Variants in NWD2 observed in about 807,000 individuals in gnomAD.
NWD2 encodes the protein NACHT and WD repeat domain-containing protein 2.
In NWD2, 37 loss-of-function variants were observed where a neutral mutation model predicts 132.7. That is an observed-to-expected ratio of 0.28 (90% confidence interval 0.21 to 0.37). The LOEUF (loss-of-function observed/expected upper bound fraction) is 0.37. Among genes scored for constraint, NWD2 ranks in the 10% least tolerant of loss-of-function variants. The probability of loss-of-function intolerance (pLI) is 1.00; values close to 1 mark genes in which losing one functional copy is unlikely to be tolerated. For synonymous variants in NWD2, 705 were observed against 803.0 expected, an observed-to-expected ratio of 0.88 and a Z score of 2.06; for missense variants, 1,592 against 2,122.4, an observed-to-expected ratio of 0.75 and a Z score of 4.91.
intron 3 of NWD2, among the ~76,000 whole-genome samples, chr4:37,358,579 G>C (rs1382912584): frequency 2.0e-5 from 3 of 152,082 alleles, no homozygotes; most frequent in Admixed American, 6.5e-5. Flanking sequence ...CCTGGGTTCT[G>C]ACCTGATATT....
At chr4:37,346,660 A>G (rs1179315942) in intron 2 of NWD2, among the ~76,000 whole-genome samples, 2 of 152,132 alleles carry the variant, frequency 1.3e-5, no homozygotes, top group Admixed American at 6.6e-5. Flanking sequence ...AATGTCTTTC[A>G]TTTATTTATA....
intron 1 of NWD2, among the ~76,000 whole-genome samples, chr4:37,310,280 AT>A (rs2109280428): frequency 6.6e-6 from 1 of 152,360 alleles, no homozygotes; most frequent in Non-Finnish European, 1.5e-5. Flanking sequence ...TATGCAACAC[AT>A]TTAAAAAGAT....
At chr4:37,386,206 G>A (rs1720561934) in intron 3 of NWD2, among the ~76,000 whole-genome samples, 1 of 152,042 alleles carries the variant, frequency 6.6e-6, no homozygotes, top group Non-Finnish European at 1.5e-5. Flanking sequence ...GCTAAACTCT[G>A]CTAATGTTGT....
At chr4:37,394,993 A>G (rs1413791455) in intron 3 of NWD2, among the ~76,000 whole-genome samples, 1 of 142,140 alleles carries the variant, frequency 7.0e-6, no homozygotes, top group Non-Finnish European at 1.5e-5. Flanking sequence ...TTTTTTTTCT[A>G]GTAGAGATGG....
chr4:37,390,389 G>T, intron 3 of NWD2, among the ~76,000 whole-genome samples: 1 of 148,590 alleles, frequency 6.7e-6, no homozygotes, highest in South Asian at 2.2e-4. Flanking sequence ...ATTCACGTGT[G>T]TGCTTGGGCA....
rs1717190624 is a variant in NWD2, at chr4:37,244,762, A to T, written c.-306A>T. ...CGGCGCAAACGGGCGCTGCGCGCGT[A>T]GCCGCCGCCACGCTGACCTCCCGCT... is the stretch of plus-strand genomic sequence containing the variant. On this transcript the variant is annotated 5_prime_UTR_variant, in exon 1 of 7. Transcript: ENST00000309447. The surrounding 1 kb of genome is among the most constrained non-coding windows in gnomAD (Gnocchi z 5.5). 1 of 297,344 alleles carries T rather than the reference A, an allele frequency of 3.4e-6. No individual in the cohort carries two copies. The highest frequency in any genetic ancestry group is 2.2e-5 in the African/African-American group (1 of 45,440). 18.4% of individuals were successfully genotyped at this position (297,344 alleles called of 1,614,324 possible). A position where few individuals can be genotyped will look rare whatever the true frequency, so the allele number is the denominator to read the frequency against.
rs1436174508 is a variant in NWD2 at position 37,427,891 on chromosome 4, G to A, written c.358-2681G>A. 2.6e-5 allele frequency among the ~76,000 whole-genome samples: 4 copies of A among 152,160 alleles called. No homozygotes were observed. The East Asian group carries it at 5.8e-4, about 22-fold the overall frequency. ...AAGGAATATAGCTGAATTGAGTATTGCTCACAAAACTGGTACCTTCCCAAA... is the reference window on the plus strand; with the variant it reads ...AAGGAATATAGCTGAATTGAGTATTACTCACAAAACTGGTACCTTCCCAAA... On this transcript the variant is annotated intron_variant, in intron 3 of 6. Coordinates refer to ENST00000309447, the MANE Select transcript of NWD2 (RefSeq NM_001144990.2).
At chr4:37,305,449 T>G (rs1263306712) in intron 1 of NWD2, among the ~76,000 whole-genome samples, 1 of 152,226 alleles carries the variant, frequency 6.6e-6, no homozygotes, top group Non-Finnish European at 1.5e-5. Flanking sequence ...TTTTCCAAAC[T>G]TTTATTCTCT....
At chr4:37,310,858 C>T (rs1388560486) in intron 1 of NWD2, among the ~76,000 whole-genome samples, 1 of 144,128 alleles carries the variant, frequency 6.9e-6, no homozygotes, top group Admixed American at 7.3e-5. Context: ...TGTTCAATTC[C>T]CACCTATGAG....
chr4:37,286,424 C>T (rs776669563), intron 1 of NWD2, among the ~76,000 whole-genome samples: 13 of 152,196 alleles, frequency 8.5e-5, no homozygotes, highest in Non-Finnish European at 1.8e-4. Flanking sequence ...GAACAGGACC[C>T]TTGGAACCCT....
At chr4:37,315,885 A>G (rs529345755) in intron 1 of NWD2, among the ~76,000 whole-genome samples, 82 of 152,172 alleles carry the variant, frequency 5.4e-4, no homozygotes, top group Non-Finnish European at 8.5e-4. Flanking sequence ...TTCTTAATTT[A>G]TCACACTTTA....
At chr4:37,287,895 G>A (rs888727720) in intron 1 of NWD2, among the ~76,000 whole-genome samples, 1 of 152,180 alleles carries the variant, frequency 6.6e-6, no homozygotes, top group African/African-American at 2.4e-5. Flanking sequence ...CAATAGCAAA[G>A]TCATGGAACC....
chr4:37,250,199 C>T (rs1478316876), intron 1 of NWD2, among the ~76,000 whole-genome samples: 2 of 151,252 alleles, frequency 1.3e-5, no homozygotes, highest in Non-Finnish European at 2.9e-5. Context: ...CATTTGGATA[C>T]AAGAACATCT....
intron 1 of NWD2, among the ~76,000 whole-genome samples, chr4:37,253,662 CAT>C (rs1341245658): frequency 2.9e-5 from 4 of 139,584 alleles, no homozygotes; most frequent in Admixed American, 7.3e-5. Flanking sequence ...TATCTGTACA[CAT>C]GTTTCAGATA....
intron 1 of NWD2, among the ~76,000 whole-genome samples, chr4:37,299,852 C>T (rs1440951124): frequency 6.6e-6 from 1 of 152,050 alleles, no homozygotes; most frequent in Non-Finnish European, 1.5e-5. Context: ...GCTTTCTTTT[C>T]CATTTGATTA....
intron 3 of NWD2, among the ~76,000 whole-genome samples, chr4:37,422,003 C>T (rs1377281747): frequency 6.6e-6 from 1 of 152,142 alleles, no homozygotes; most frequent in African/African-American, 2.4e-5. Context: ...CCAATAAGGG[C>T]ACCAGTTCTA....
intron 1 of NWD2, among the ~76,000 whole-genome samples, chr4:37,270,685 A>G (rs919574576): frequency 6.6e-6 from 1 of 151,832 alleles, no homozygotes; most frequent in African/African-American, 2.4e-5. Context: ...TCATATATAC[A>G]TACTAATATT....
chr4:37,363,042 C>T (rs536598631), intron 3 of NWD2, among the ~76,000 whole-genome samples: 37 of 152,090 alleles, frequency 2.4e-4, no homozygotes, highest in African/African-American at 8.9e-4. Context: ...GTCCCACAAA[C>T]GTATGAAAAA....
intron 1 of NWD2, among the ~76,000 whole-genome samples, chr4:37,252,325 G>C (rs1320677670): frequency 2.0e-5 from 3 of 152,104 alleles, no homozygotes; most frequent in Non-Finnish European, 4.4e-5. Flanking sequence ...GACTATAAAG[G>C]TAAACTATAT....
Sources: allele counts gnomAD v4.1 joint callset (sites outside exome capture counted in the v4.1 genomes callset), GRCh38; gene constraint gnomAD v4.1.1; non-coding constraint Gnocchi (gnomAD v3.1); transcripts MANE v1.5; gene names NCBI Gene and HGNC (gene_info 2026-07-23, HGNC 2026-07-21).